Variants in PJVK observed in about 807,000 individuals in gnomAD.
PJVK encodes the protein autosomal recessive deafness type 59 protein.
A neutral mutation model predicts 37.6 loss-of-function variants in PJVK; 33 were observed. The observed-to-expected ratio is 0.88, with a 90% CI of 0.67 to 1.17. The LOEUF (loss-of-function observed/expected upper bound fraction) is 1.17. Ranked by LOEUF, PJVK falls within the 50% of genes most tolerant of loss-of-function variation. The pLI, the probability that PJVK is intolerant of heterozygous loss-of-function variation, is 0.00. For missense variants in PJVK, 410 were observed against 413.8 expected (o/e 0.99, Z 0.08); for synonymous variants, 141 against 143.5 (o/e 0.98, Z 0.13).
chr2:178,459,320 T>C (rs1684336410), intron 5 of PJVK: 2 of 417,790 alleles, frequency 4.8e-6, no homozygotes, highest in Non-Finnish European at 1.0e-5. Flanking sequence ...TGCAATTTTG[T>C]AGGAGGAGGG....
In PJVK at chr2:178,454,313, TGA is replaced by T; in HGVS notation, c.212-17_212-16del. ...TAAGATAAAGATGTTTAAAAAATAC[TGA>T]GTTTCTTCTTATAAAGGTATTTCAT... On this transcript the variant is annotated splice_polypyrimidine_tract_variant and intron_variant, in intron 2 of 6. Coordinates refer to ENST00000644580, the MANE Select transcript of PJVK (RefSeq NM_001042702.5). The T allele has an allele frequency of 1.3e-6, 2 of 1,594,352 alleles. No individual in the cohort carries two copies. Among genetic ancestry groups the T allele is most frequent in the African/African-American group, 1.3e-5 (1 of 74,440 alleles).
At chr2:178,456,670 G>A (rs555473653) in intron 4 of PJVK, among the ~76,000 whole-genome samples, 27 of 152,100 alleles carry the variant, frequency 1.8e-4, no homozygotes, top group Non-Finnish European at 3.5e-4. Flanking sequence ...AGGAAGCTGA[G>A]GCACAAGAAT....
Position 178,456,031 on chromosome 2 carries a change from C to T in PJVK, c.429C>T (p.Ser143=). Reference sequence around the variant, plus strand: ...TTAGAAAAATTAACTTTGACCACAGCTTGATACGTCAGTCAAGGAGCAGCA... The same window carrying T: ...TTAGAAAAATTAACTTTGACCACAGTTTGATACGTCAGTCAAGGAGCAGCA... ...ITTRKINFDH[S]LIRQSRSSRK... The change falls in exon 4 of 7, where the codon AGC becomes AGT. Residue 143 remains serine (S), a synonymous_variant. Coordinates refer to ENST00000644580, the MANE Select transcript of PJVK (RefSeq NM_001042702.5). 6.2e-7 allele frequency: 1 copy of T among 1,614,158 alleles called. No individual in the cohort carries two copies. Among genetic ancestry groups the T allele is most frequent in the Non-Finnish European group, 8.5e-7 (1 of 1,180,006 alleles).
chr2:178,453,048 T>G (rs1342536117), intron 1 of PJVK: 5 of 315,916 alleles, frequency 1.6e-5, no homozygotes, highest in Admixed American at 9.4e-5. Context: ...CACTATATGC[T>G]TCCCTTAAAA....
intron 6 of PJVK, 30 bp downstream of exon 6, chr2:178,460,476 C>CTTTTTTTTT: frequency 7.0e-7 from 1 of 1,436,560 alleles, no homozygotes; most frequent in Non-Finnish European, 9.6e-7. Flanking sequence ...CTGTGAATGT[C>CTTTTTTTTT]TTTTTTTTTT....
intron 4 of PJVK, among the ~76,000 whole-genome samples, chr2:178,457,885 T>C (rs942448937): frequency 2.0e-5 from 3 of 152,208 alleles, no homozygotes; most frequent in Admixed American, 6.5e-5. Context: ...AAAGTATCTG[T>C]GTTTAATTTT....
intron 6 of PJVK, 28 bp downstream of exon 6, chr2:178,460,474 G>A: frequency 1.9e-6 from 3 of 1,569,310 alleles, no homozygotes; most frequent in Non-Finnish European, 2.6e-6. Context: ...TACTGTGAAT[G>A]TCTTTTTTTT....
chr2:178,452,759 T>TA (rs1559365249), intron 1 of PJVK: 1 of 337,386 alleles, frequency 3.0e-6, no homozygotes, highest in East Asian at 1.7e-4. Flanking sequence ...TATAGTTACT[T>TA]ATATGTAATG....
chr2:178,459,622 T>C (rs1033435032), intron 5 of PJVK, among the ~76,000 whole-genome samples: 3 of 152,182 alleles, frequency 2.0e-5, no homozygotes, highest in Non-Finnish European at 4.4e-5. Context: ...ACAATTACAT[T>C]ATTTTGACTG....
chr2:178,453,413 T>C lies in PJVK; in HGVS notation c.4T>C (p.Phe2Leu). 1 of 1,614,086 alleles carries C rather than the reference T, an allele frequency of 6.2e-7. No homozygotes were observed. The highest frequency in any genetic ancestry group is 2.2e-5 in the East Asian group (1 of 44,868). ...TTGATGACGTTTTGATTTTAATATG[T>C]TTGCTGCTGCTACCAAGAGCTTTGT... is the stretch of plus-strand genomic sequence containing the variant. M[F>L]AAATKSFVKQ... Residue 2 changes from phenylalanine (F) to leucine (L), a missense_variant, in exon 2 of 7, where the codon TTT (phenylalanine) becomes CTT (leucine). Phe to Leu is a conservative substitution (Grantham distance 22). Transcript: ENST00000644580.
intron 1 of PJVK, chr2:178,452,651 G>A (rs1697762274): frequency 1.3e-5 from 13 of 984,062 alleles, no homozygotes; most frequent in Non-Finnish European, 1.6e-5. Context: ...AAGTAGCTGG[G>A]ATAATAATGA....
chr2:178,454,933 C>A (rs2154125972), intron 3 of PJVK: 2 of 896,132 alleles, frequency 2.2e-6, no homozygotes, highest in South Asian at 1.3e-5. Context: ...GGCAACAGGG[C>A]AGACCTGCCT....
intron 1 of PJVK, 148 bp downstream of exon 1, chr2:178,451,917 C>T: frequency 1.4e-5 from 12 of 886,096 alleles, no homozygotes; most frequent in Non-Finnish European, 1.6e-5. Context: ...TTGCTAGGCA[C>T]TAGCAGAAAT....
In PJVK at chr2:178,461,391, T is replaced by A; in HGVS notation, c.*117T>A. ...TTAAAATGAGAAAAGCAAAAAGAAA[T>A]TAACCTGTCTGGGTATCATATTCCC... On this transcript the variant is annotated 3_prime_UTR_variant, in exon 7 of 7. Transcript: ENST00000644580. 1 of 1,177,020 alleles carries A rather than the reference T, an allele frequency of 8.5e-7. No homozygotes were observed. The highest frequency in any genetic ancestry group is 1.2e-6 in the Non-Finnish European group (1 of 814,610). 72.9% of individuals were successfully genotyped at this position (1,177,020 alleles called of 1,614,324 possible). A position where few individuals can be genotyped will look rare whatever the true frequency, so the allele number is the denominator to read the frequency against.
chr2:178,453,355 C>A, intron 1 of PJVK, 33 bp from the exon 2 acceptor site: 1 of 1,582,950 alleles, frequency 6.3e-7, no homozygotes, highest in Admixed American at 1.7e-5. Context: ...CCTGATTTTC[C>A]TCTTTAAAAA....
In PJVK at chr2:178,458,635, A is replaced by C; in HGVS notation, c.667+8A>C. ...ACCTGGATGGTGCCTTTGGTGAGTT[A>C]AGGGTCTGCATGAAATACAAATGAT... On this transcript the variant is annotated splice_region_variant and intron_variant, in intron 5 of 6. Coordinates refer to ENST00000644580, the MANE Select transcript of PJVK (RefSeq NM_001042702.5). The C allele has an allele frequency of 6.3e-7, 1 of 1,575,630 alleles. No homozygotes were observed.
In PJVK at chr2:178,461,468, G is replaced by T; in HGVS notation, c.*194G>T. ...TAGTGTCTATTTCTTAAGTTGTCAT[G>T]AAAATTAATAACATTGTTTATATCA... On this transcript the variant is annotated 3_prime_UTR_variant, in exon 7 of 7. Coordinates refer to ENST00000644580, the MANE Select transcript of PJVK (RefSeq NM_001042702.5). 1 of 550,914 alleles carries T rather than the reference G, an allele frequency of 1.8e-6. No individual in the cohort carries two copies. Among genetic ancestry groups the T allele is most frequent in the East Asian group, 3.3e-5 (1 of 30,552 alleles). 34.1% of individuals were successfully genotyped at this position (550,914 alleles called of 1,614,324 possible). A position where few individuals can be genotyped will look rare whatever the true frequency, so the allele number is the denominator to read the frequency against.
intron 3 of PJVK, chr2:178,454,872 G>A: frequency 5.0e-6 from 5 of 993,618 alleles, no homozygotes; most frequent in Non-Finnish European, 8.1e-6. Flanking sequence ...GACTGAGGAA[G>A]ATGAGGAGGA....
rs1242384480 is a variant in PJVK at position 178,453,385 on chromosome 2, C to G, written c.-22-3C>G. 2.5e-6 allele frequency: 4 copies of G among 1,613,002 alleles called. No homozygotes were observed. On this transcript the variant is annotated splice_polypyrimidine_tract_variant and splice_region_variant and intron_variant, in intron 1 of 6. Transcript: ENST00000644580. Reference sequence around the variant, plus strand: ...TAAAAATGGATTTATCTGGGGGTTGCAGTTGATGACGTTTTGATTTTAATA... The same window carrying G: ...TAAAAATGGATTTATCTGGGGGTTGGAGTTGATGACGTTTTGATTTTAATA...
Sources: gnomAD v4.1 joint callset for allele counts (sites outside exome capture counted in the v4.1 genomes callset) on GRCh38, gnomAD v4.1.1 for gene constraint, MANE v1.5 for transcripts, NCBI Gene and HGNC (gene_info 2026-07-23, HGNC 2026-07-21) for gene names.